ADGRV1: variants seen among roughly 807,000 people sequenced by gnomAD.
ADGRV1 encodes the protein G-protein coupled receptor 98.
ADGRV1 carries 359 observed loss-of-function variants against 596.2 expected under a neutral mutation model. That is an observed-to-expected ratio of 0.60 (90% CI 0.55 to 0.66). The LOEUF (loss-of-function observed/expected upper bound fraction) is 0.66, where lower values mean the gene tolerates loss of function less well. Among genes scored for constraint, ADGRV1 ranks in the 30% least tolerant of loss-of-function variants. ADGRV1 has a pLI of 0.00. For synonymous variants in ADGRV1, 2,681 were observed against 2,679.2 expected (o/e 1.00, Z -0.02); for missense variants, 7,274 against 7,575.6 (o/e 0.96, Z 1.48).
chr5:90,643,341 A>G (rs1053591293), intron 13 of ADGRV1, among the ~76,000 whole-genome samples: 1 of 151,514 alleles, frequency 6.6e-6, no homozygotes, highest in African/African-American at 2.4e-5. Flanking sequence ...TTTAGGTAAT[A>G]TGTATTGACT....
At chr5:90,851,582 C>T (rs1008795524) in intron 79 of ADGRV1, among the ~76,000 whole-genome samples, 5 of 152,066 alleles carry the variant, frequency 3.3e-5, no homozygotes, top group African/African-American at 1.2e-4. Context: ...AAAAATAATG[C>T]CAGGTGGCAC....
Position 90,803,271 on chromosome 5 carries a change from G to A in ADGRV1, c.14661+389G>A, listed in dbSNP as rs1175526519. On this transcript the variant is annotated intron_variant, in intron 71 of 89. Transcript: ENST00000405460. Reference sequence around the variant, plus strand: ...TGTCTTGATGTAGATAAATGCTGATGGTCAGATCCTGTGATATGGTTGCAA... The same window carrying A: ...TGTCTTGATGTAGATAAATGCTGATAGTCAGATCCTGTGATATGGTTGCAA... Among the ~76,000 whole-genome samples the A allele has an allele frequency of 2.6e-5, 4 of 152,088 alleles. No homozygotes were observed. The East Asian group carries it at 7.7e-4, about 29-fold the overall frequency.
chr5:90,823,289 G>GT, intron 75 of ADGRV1, 136 bp from the exon 76 acceptor site: 4 of 848,588 alleles, frequency 4.7e-6, no homozygotes, highest in Non-Finnish European at 7.3e-6. Flanking sequence ...CAGTGGTAAA[G>GT]TAAGTGCTAT....
chr5:90,896,388 A>G (rs960678435), intron 83 of ADGRV1, among the ~76,000 whole-genome samples: 1 of 144,386 alleles, frequency 6.9e-6, no homozygotes, highest in Non-Finnish European at 1.5e-5. Context: ...CTCCCACCTC[A>G]GCCTCCCAAG....
intron 55 of ADGRV1, 114 bp downstream of exon 55, chr5:90,755,299 A>T: frequency 1.5e-6 from 1 of 681,786 alleles, no homozygotes; most frequent in Non-Finnish European, 2.4e-6. Flanking sequence ...TCTTTTAAAC[A>T]TAAAAATGTA....
intron 83 of ADGRV1, among the ~76,000 whole-genome samples, chr5:90,890,054 A>G (rs1182880951): frequency 6.6e-6 from 1 of 152,164 alleles, no homozygotes; most frequent in Non-Finnish European, 1.5e-5. Context: ...AGGTGTGATC[A>G]ATCCTTAACC....
At chr5:90,853,162 T>G in intron 79 of ADGRV1, 122 bp from the exon 80 acceptor site, 1 of 897,016 alleles carries the variant, frequency 1.1e-6, no homozygotes, top group Non-Finnish European at 1.7e-6. Context: ...GCTTCTGGGT[T>G]TGTTGTGTTA....
chr5:91,082,762 T>A (rs77310596), intron 86 of ADGRV1, among the ~76,000 whole-genome samples: 3,000 of 152,284 alleles, frequency 0.02, 114 homozygotes, highest in African/African-American at 0.069. Flanking sequence ...CTTTAGTTGG[T>A]ATCAACATGG....
intron 79 of ADGRV1, among the ~76,000 whole-genome samples, chr5:90,851,102 G>GGGGTGTGT (rs1554136388): frequency 1.8e-3 from 90 of 50,634 alleles, no homozygotes; most frequent in African/African-American, 5.0e-3. Flanking sequence ...AGCTAGGTAG[G>GGGGTGTGT]GTGTGTGTGT....
intron 1 of ADGRV1, among the ~76,000 whole-genome samples, chr5:90,560,674 A>T: frequency 6.6e-6 from 1 of 152,150 alleles, no homozygotes; most frequent in East Asian, 1.9e-4. Flanking sequence ...TGTAACACTG[A>T]GTCTTCATAC....
At chr5:90,875,543 A>G (rs995705417) in intron 83 of ADGRV1, among the ~76,000 whole-genome samples, 6 of 152,218 alleles carry the variant, frequency 3.9e-5, no homozygotes, top group Admixed American at 1.3e-4. Context: ...AGTCCATAGA[A>G]GCAGACTACA....
At chr5:90,932,925 C>A (rs867571406) in intron 83 of ADGRV1, among the ~76,000 whole-genome samples, 4 of 152,310 alleles carry the variant, frequency 2.6e-5, no homozygotes, top group African/African-American at 7.2e-5. Flanking sequence ...ACTCTCATCA[C>A]ACATTGTGCT....
At chr5:90,964,727 CA>C (rs60760571) in intron 83 of ADGRV1, among the ~76,000 whole-genome samples, 39,743 of 121,156 alleles carry the variant, frequency 0.33, 5,262 homozygotes, top group African/African-American at 0.38. Flanking sequence ...GACTAATAGC[CA>C]AAAAAAAAAA....
intron 83 of ADGRV1, among the ~76,000 whole-genome samples, chr5:90,884,571 C>G (rs1291148098): frequency 6.6e-6 from 1 of 152,032 alleles, no homozygotes; most frequent in East Asian, 1.9e-4. Flanking sequence ...TATCAGGTGC[C>G]TATGACAATT....
intron 84 of ADGRV1, among the ~76,000 whole-genome samples, chr5:90,968,554 C>A (rs1320496607): frequency 6.6e-6 from 1 of 152,158 alleles, no homozygotes; most frequent in Non-Finnish European, 1.5e-5. Context: ...AGATGGTACA[C>A]CACACATTTT....
chr5:91,148,888 G>C (rs1239925366), intron 87 of ADGRV1, among the ~76,000 whole-genome samples: 1 of 152,222 alleles, frequency 6.6e-6, no homozygotes, highest in Non-Finnish European at 1.5e-5. Context: ...CTGGATGTAA[G>C]ATATAGAGTC....
chr5:91,006,237 A>T (rs1782265824), intron 85 of ADGRV1, among the ~76,000 whole-genome samples: 1 of 152,212 alleles, frequency 6.6e-6, no homozygotes, highest in Non-Finnish European at 1.5e-5. Flanking sequence ...AGGGGAATAC[A>T]GGTACAGAGC....
chr5:90,855,138 A>G (rs1174846580), intron 81 of ADGRV1, among the ~76,000 whole-genome samples: 1 of 152,196 alleles, frequency 6.6e-6, no homozygotes, highest in Non-Finnish European at 1.5e-5. Flanking sequence ...AGGAAGGCTC[A>G]GAAGGCTTGG....
chr5:90,989,057 TG>T (rs1246622851), intron 85 of ADGRV1, among the ~76,000 whole-genome samples: 2 of 152,068 alleles, frequency 1.3e-5, no homozygotes, highest in African/African-American at 4.8e-5. Flanking sequence ...ACATTTGGGT[TG>T]GTTCCAAGTC....
Sources: allele counts gnomAD v4.1 joint callset (sites outside exome capture counted in the v4.1 genomes callset), GRCh38; gene constraint gnomAD v4.1.1; transcripts MANE v1.5; gene names NCBI Gene and HGNC (gene_info 2026-07-23, HGNC 2026-07-21).